STK32C: variants seen among roughly 807,000 people sequenced by gnomAD.
The protein encoded by STK32C is serine/threonine kinase 32C.
Under a neutral mutation model 56.5 loss-of-function variants are expected in STK32C, and 31 were observed. That is an observed-to-expected ratio of 0.55 (90% CI 0.41 to 0.74). The LOEUF is 0.74. Ranked by LOEUF, STK32C falls within the 30% of genes least tolerant of loss-of-function variation. STK32C has a pLI of 0.00. For synonymous variants in STK32C, 309 were observed against 289.4 expected, an observed-to-expected ratio of 1.07 and a Z score of -0.69; for missense variants, 544 against 676.9, an observed-to-expected ratio of 0.80 and a Z score of 2.18.
intron 2 of STK32C, among the ~76,000 whole-genome samples, chr10:132,233,447 A>C (rs541991322): frequency 8.5e-5 from 13 of 152,272 alleles, no homozygotes; most frequent in African/African-American, 2.9e-4. Flanking sequence ...GTGAGTGGGA[A>C]TCCGTTTTGG....
chr10:132,238,706 G>A (rs534671133), intron 2 of STK32C, among the ~76,000 whole-genome samples: 1 of 152,108 alleles, frequency 6.6e-6, no homozygotes, highest in South Asian at 2.1e-4. Context: ...GCCCAGGAGG[G>A]GCAGTCTCTC....
rs1289236503 is a variant in STK32C, at chr10:132,330,207, C to G, written c.301+1229G>C. 5 of 521,648 alleles carry G rather than the reference C, an allele frequency of 9.6e-6. No homozygotes were observed. The African/African-American group carries it at 9.6e-5, about 10-fold the overall frequency. 32.3% of individuals were successfully genotyped at this position (521,648 alleles called of 1,614,324 possible). A position where few individuals can be genotyped will look rare whatever the true frequency, so the allele number is the denominator to read the frequency against. On this transcript the variant is annotated intron_variant, in intron 1 of 1. Transcript: ENST00000368619. ...ACATGCTCGTACATACAATTAACTA[C>G]TGACTACAAAAATTAATGTAGCATG...
chr10:132,267,928 C>A (rs1312901888), intron 1 of STK32C, among the ~76,000 whole-genome samples: 1 of 141,094 alleles, frequency 7.1e-6, no homozygotes, highest in African/African-American at 2.7e-5. Flanking sequence ...CGTGTGCATG[C>A]ATATGCATGC....
chr10:132,244,848 C>CT (rs1311167243), intron 2 of STK32C, among the ~76,000 whole-genome samples: 1 of 152,228 alleles, frequency 6.6e-6, no homozygotes, highest in Non-Finnish European at 1.5e-5. Context: ...CTGAGCGTCT[C>CT]TGACGAACTC....
At position 132,207,990 on chromosome 10, in the gene STK32C, A is replaced by G; in HGVS notation, c.*20T>C. The G allele has an allele frequency of 7.7e-7, 1 of 1,300,000 alleles. No individual in the cohort carries two copies. The highest frequency in any genetic ancestry group is 9.8e-7 in the Non-Finnish European group (1 of 1,017,614). 80.5% of individuals were successfully genotyped at this position (1,300,000 alleles called of 1,614,324 possible). A position where few individuals can be genotyped will look rare whatever the true frequency, so the allele number is the denominator to read the frequency against. ...AGTCTCCAAAGCAGCTCAAGGGGTG[A>G]GGACCACGGGCGTCCCGGCCTAGCC... On this transcript the variant is annotated 3_prime_UTR_variant, in exon 12 of 12. Transcript: ENST00000298630.
At chr10:132,260,469 G>A (rs764645752) in intron 1 of STK32C, among the ~76,000 whole-genome samples, 9 of 152,172 alleles carry the variant, frequency 5.9e-5, no homozygotes, top group Admixed American at 3.3e-4. Flanking sequence ...AAGCCCCAGC[G>A]CCCTCCCATA....
intron 1 of STK32C, among the ~76,000 whole-genome samples, chr10:132,304,809 C>T (rs1257385916): frequency 6.6e-6 from 1 of 152,244 alleles, no homozygotes; most frequent in South Asian, 2.1e-4. Flanking sequence ...GCGCCCAGGG[C>T]GGGCCGTCCA....
intron 1 of STK32C, among the ~76,000 whole-genome samples, chr10:132,289,481 T>C (rs973655589): frequency 1.3e-5 from 2 of 152,336 alleles, no homozygotes; most frequent in Admixed American, 6.5e-5. Context: ...GGCTAAAGAA[T>C]TGCACAGACA....
intron 1 of STK32C, among the ~76,000 whole-genome samples, chr10:132,326,083 G>C (rs1453342522): frequency 6.6e-6 from 1 of 152,146 alleles, no homozygotes; most frequent in African/African-American, 2.4e-5. Flanking sequence ...CCTTCAAAGG[G>C]TGCTAGACTA....
At chr10:132,298,662 T>C (rs1399523577) in intron 1 of STK32C, among the ~76,000 whole-genome samples, 2 of 149,498 alleles carry the variant, frequency 1.3e-5, no homozygotes, top group Non-Finnish European at 3.0e-5. Context: ...GTGGGGTCAC[T>C]GGGGGGGAGT....
chr10:132,277,000 T>TG (rs1448138350), intron 1 of STK32C, among the ~76,000 whole-genome samples: 1 of 152,198 alleles, frequency 6.6e-6, no homozygotes, highest in Non-Finnish European at 1.5e-5. Flanking sequence ...CTCAAAGGAT[T>TG]GGATTATCAC....
intron 1 of STK32C, among the ~76,000 whole-genome samples, chr10:132,281,686 T>TC (rs2065211421): frequency 6.6e-6 from 1 of 152,116 alleles, no homozygotes; most frequent in African/African-American, 2.4e-5. Context: ...ACAGGGAGTA[T>TC]CCCCCTGGGC....
At chr10:132,265,497 C>T (rs2064488251) in intron 1 of STK32C, among the ~76,000 whole-genome samples, 1 of 152,118 alleles carries the variant, frequency 6.6e-6, no homozygotes, top group African/African-American at 2.4e-5. Context: ...CACTCTGGGG[C>T]CCTGCCTGGG....
chr10:132,276,718 T>G (rs996766139), intron 1 of STK32C, among the ~76,000 whole-genome samples: 2 of 151,194 alleles, frequency 1.3e-5, no homozygotes, highest in African/African-American at 4.9e-5. Flanking sequence ...GCCCAGGAGC[T>G]CAAAGCTTCA....
intron 7 of STK32C, among the ~76,000 whole-genome samples, chr10:132,225,020 C>T (rs972307398): frequency 2.6e-5 from 4 of 152,234 alleles, no homozygotes; most frequent in Non-Finnish European, 5.9e-5. Context: ...GCACCAGCAG[C>T]GGCCCCGGGA....
chr10:132,235,819 C>T (rs777295115), intron 2 of STK32C, among the ~76,000 whole-genome samples: 14 of 152,194 alleles, frequency 9.2e-5, no homozygotes, highest in African/African-American at 3.4e-4. Context: ...ACAAGCCTGG[C>T]GCAGTGTGAT....
At chr10:132,208,931 C>T in intron 11 of STK32C, 103 bp downstream of exon 11, 1 of 1,107,018 alleles carries the variant, frequency 9.0e-7, no homozygotes, top group African/African-American at 1.5e-5. Flanking sequence ...GGGCCACGCA[C>T]CCCAGGCCCA....
chr10:132,256,187 T>C (rs1236948487), intron 1 of STK32C, among the ~76,000 whole-genome samples: 6 of 152,196 alleles, frequency 3.9e-5, no homozygotes, highest in African/African-American at 1.4e-4. Context: ...AGCCCACAGC[T>C]GAGTCCTGTG....
At chr10:132,303,079 C>T (rs1357928200) in intron 1 of STK32C, among the ~76,000 whole-genome samples, 7 of 152,220 alleles carry the variant, frequency 4.6e-5, no homozygotes, top group Admixed American at 2.0e-4. Context: ...CAGCAGCCAG[C>T]GTGGAAACGG....
Sources: allele counts gnomAD v4.1 joint callset (sites outside exome capture counted in the v4.1 genomes callset), GRCh38; gene constraint gnomAD v4.1.1; transcripts MANE v1.5; gene names NCBI Gene and HGNC (gene_info 2026-07-23, HGNC 2026-07-21).